Variants in ALDH9A1 observed in about 807,000 individuals in gnomAD.
The protein encoded by ALDH9A1 is aldehyde dehydrogenase 9 family member A1.
Under a neutral mutation model 56.6 loss-of-function variants are expected in ALDH9A1, and 42 were observed. That is an observed-to-expected ratio of 0.74 (90% CI 0.58 to 0.96). The LOEUF is 0.96. Ranked by LOEUF, ALDH9A1 falls within the 40% of genes least tolerant of loss-of-function variation. The pLI is 0.00. For synonymous variants in ALDH9A1, 242 were observed against 236.0 expected (o/e 1.03, Z -0.23); for missense variants, 661 against 651.5 (o/e 1.01, Z -0.16).
chr1:165,685,522 C>T (rs180943419), intron 2 of ALDH9A1, among the ~76,000 whole-genome samples: 6 of 152,286 alleles, frequency 3.9e-5, no homozygotes, highest in Non-Finnish European at 7.4e-5. Flanking sequence ...AATTACAGTA[C>T]AGACCACTAA....
intron 2 of ALDH9A1, among the ~76,000 whole-genome samples, chr1:165,686,217 G>T (rs1156346562): frequency 6.6e-6 from 1 of 152,184 alleles, no homozygotes; most frequent in Non-Finnish European, 1.5e-5. Flanking sequence ...GGTCCCTGGA[G>T]GAGGGAACCA....
intron 6 of ALDH9A1, among the ~76,000 whole-genome samples, chr1:165,675,805 T>C (rs61800421): frequency 0.41 from 62,166 of 151,984 alleles, 13,007 homozygotes; most frequent in Middle Eastern, 0.5. Context: ...CAAGTAACTT[T>C]TGAACACAGT....
chr1:165,676,735 G>A lies in ALDH9A1; in HGVS notation c.930+2707C>T, dbSNP rs550498783. ...GGAATCCCACTGTGTGAGAACCAAC[G>A]GGAAGGAGCCTGAGCTGCTGGAACC... is the stretch of plus-strand genomic sequence containing the variant. On this transcript the variant is annotated intron_variant, in intron 6 of 10. Transcript: ENST00000354775. 1.7e-4 allele frequency: 87 copies of A among 506,650 alleles called. 1 individual carries two copies. The highest frequency in any genetic ancestry group is 4.3e-4 in the South Asian group (27 of 63,188). 31.4% of individuals were successfully genotyped at this position (506,650 alleles called of 1,614,324 possible). A position where few individuals can be genotyped will look rare whatever the true frequency, so the allele number is the denominator to read the frequency against.
intron 1 of ALDH9A1, 97 bp downstream of exon 1, chr1:165,698,281 C>A: frequency 6.7e-7 from 1 of 1,481,648 alleles, no homozygotes; most frequent in Admixed American, 2.7e-5. Context: ...GTCTTGTGCT[C>A]AAGTCAACGC....
In ALDH9A1 at chr1:165,662,826, T is replaced by C; in HGVS notation, c.*224A>G. On this transcript the variant is annotated 3_prime_UTR_variant, in exon 11 of 11. Transcript: ENST00000354775. ...CTTAAAAGATTTCACAAAAATACGC[T>C]TTGAGGAGAATCACAGCTTTCTTGA... The C allele has an allele frequency of 1.9e-6, 1 of 528,522 alleles. No homozygotes were observed. 32.7% of individuals were successfully genotyped at this position (528,522 alleles called of 1,614,324 possible). A position where few individuals can be genotyped will look rare whatever the true frequency, so the allele number is the denominator to read the frequency against.
chr1:165,695,086 G>A (rs1650028185), intron 2 of ALDH9A1, among the ~76,000 whole-genome samples, 166 bp downstream of exon 2: 1 of 152,186 alleles, frequency 6.6e-6, no homozygotes, highest in Non-Finnish European at 1.5e-5. Context: ...CAGATGGGAA[G>A]TATTGAACAA....
chr1:165,674,684 TC>T (rs1363597678), intron 6 of ALDH9A1, among the ~76,000 whole-genome samples: 54 of 35,726 alleles, frequency 1.5e-3, no homozygotes, highest in East Asian at 8.9e-3. Context: ...AGACTCCGAA[TC>T]AAAAAAAAAA....
At chr1:165,671,501 T>G in intron 6 of ALDH9A1, 1 of 455,108 alleles carries the variant, frequency 2.2e-6, no homozygotes, top group Non-Finnish European at 4.3e-6. Flanking sequence ...TAAGAATTCT[T>G]AAGTCTAAGG....
chr1:165,694,064 G>C (rs577302578), intron 2 of ALDH9A1, among the ~76,000 whole-genome samples: 4 of 151,480 alleles, frequency 2.6e-5, no homozygotes, highest in South Asian at 2.1e-4. Context: ...GGGGCCGTAG[G>C]GGGTGGGGGG....
intron 2 of ALDH9A1, among the ~76,000 whole-genome samples, chr1:165,687,255 T>C (rs925649942): frequency 6.6e-6 from 1 of 150,950 alleles, no homozygotes; most frequent in African/African-American, 2.4e-5. Context: ...AATATATGTG[T>C]AATTGGAGGC....
At chr1:165,677,237 G>A (rs1649392181) in intron 6 of ALDH9A1, among the ~76,000 whole-genome samples, 3 of 152,158 alleles carry the variant, frequency 2.0e-5, no homozygotes, top group Admixed American at 6.5e-5. Flanking sequence ...GCTGAATGTG[G>A]TGGTGTGCTA....
At chr1:165,694,129 G>T (rs537161087) in intron 2 of ALDH9A1, among the ~76,000 whole-genome samples, 1 of 151,686 alleles carries the variant, frequency 6.6e-6, no homozygotes, top group African/African-American at 2.4e-5. Flanking sequence ...GAGTTGATGG[G>T]TGCAGCAAAC....
rs1484507491 is a variant in ALDH9A1 at position 165,698,547 on chromosome 1, T to A, written c.12A>T (p.Arg4=). 1.2e-6 allele frequency: 2 copies of A among 1,605,444 alleles called. No individual in the cohort carries two copies. The highest frequency in any genetic ancestry group is 1.7e-6 in the Non-Finnish European group (2 of 1,177,506). Residue 4 remains arginine, a synonymous_variant, in exon 1 of 11, where the codon CGA becomes CGT. Transcript: ENST00000354775. The stretch of plus-strand genomic sequence containing the variant: ...GCGGGGAGAGCGCGGCCAGGCCTGC[T>A]CGGAGAAACATGAGTGGCGGACGCA... The part of the protein sequence containing the change: MFL[R]AGLAALSPLL...
At chr1:165,676,388 G>T in intron 6 of ALDH9A1, 1 of 184,994 alleles carries the variant, frequency 5.4e-6, no homozygotes, top group East Asian at 1.5e-4. Context: ...GTTGTTCCTT[G>T]GGCCACGTGC....
intron 6 of ALDH9A1, among the ~76,000 whole-genome samples, chr1:165,672,972 AACACACACAC>A (rs67363579): frequency 3.2e-4 from 40 of 124,260 alleles, no homozygotes; most frequent in Middle Eastern, 4.1e-3. Flanking sequence ...AAAAAATACA[AACACACACAC>A]ACACACACAC....
At chr1:165,694,930 T>C (rs565694370) in intron 2 of ALDH9A1, among the ~76,000 whole-genome samples, 5 of 147,082 alleles carry the variant, frequency 3.4e-5, no homozygotes, top group Admixed American at 2.1e-4. Context: ...CACTCCAGCC[T>C]GGGCGACAGA....
At chr1:165,691,526 G>A (rs952783409) in intron 2 of ALDH9A1, among the ~76,000 whole-genome samples, 6 of 152,200 alleles carry the variant, frequency 3.9e-5, no homozygotes, top group Admixed American at 6.5e-5. Flanking sequence ...AAAGCTGCAC[G>A]GAGAATGACT....
chr1:165,698,267 C>T, intron 1 of ALDH9A1, 111 bp downstream of exon 1: 1 of 1,460,920 alleles, frequency 6.8e-7, no homozygotes, highest in African/African-American at 1.4e-5. Flanking sequence ...TCTCCACTGT[C>T]ACTGTCTTGT....
chr1:165,693,384 C>G (rs1382037517), intron 2 of ALDH9A1, among the ~76,000 whole-genome samples: 1 of 152,076 alleles, frequency 6.6e-6, no homozygotes, highest in African/African-American at 2.4e-5. Context: ...AACAAACAAC[C>G]CCATCAACAA....
Sources: gnomAD v4.1 joint callset for allele counts (sites outside exome capture counted in the v4.1 genomes callset) on GRCh38, gnomAD v4.1.1 for gene constraint, MANE v1.5 for transcripts, NCBI Gene and HGNC (gene_info 2026-07-23, HGNC 2026-07-21) for gene names.